Variants in QTMAN observed in about 807,000 individuals in gnomAD.
The protein encoded by QTMAN is queuosine-tRNA mannosyltransferase.
At chr2:144,239,350 A>C in the QTMAN span, among the ~76,000 whole-genome samples, 1 of 152,104 alleles carries the variant, frequency 6.6e-6, no homozygotes, top group African/African-American at 2.4e-5. Flanking sequence ...CTAAAAGTTC[A>C]TTATTATTTG....
chr2:144,072,607 A>G, the QTMAN span, among the ~76,000 whole-genome samples: 111 of 152,262 alleles, frequency 7.3e-4, 2 homozygotes, highest in East Asian at 0.016. Context: ...TTTAGAAGCT[A>G]AGCAGGAATT....
the QTMAN span, among the ~76,000 whole-genome samples, chr2:144,116,706 A>G: frequency 1.3e-5 from 2 of 152,210 alleles, no homozygotes; most frequent in African/African-American, 4.8e-5. Flanking sequence ...GTATCTTCAT[A>G]TCACTGTAGA....
the QTMAN span, among the ~76,000 whole-genome samples, chr2:144,155,170 A>G: frequency 6.6e-6 from 1 of 152,184 alleles, no homozygotes; most frequent in Non-Finnish European, 1.5e-5. Flanking sequence ...GGTCCCTAAT[A>G]GTATTTCAGG....
At chr2:144,018,543 C>G in the QTMAN span, among the ~76,000 whole-genome samples, 1 of 152,146 alleles carries the variant, frequency 6.6e-6, no homozygotes, top group Non-Finnish European at 1.5e-5. Context: ...CTTTTCTACA[C>G]ATTTTAGTAT....
the QTMAN span, among the ~76,000 whole-genome samples, chr2:144,083,357 G>A: frequency 6.6e-6 from 1 of 152,194 alleles, no homozygotes; most frequent in African/African-American, 2.4e-5. Flanking sequence ...AGCCATGTAA[G>A]AAGAGCCTCT....
chr2:144,159,076 TAATGCCTTAA>T, the QTMAN span, among the ~76,000 whole-genome samples: 17 of 152,172 alleles, frequency 1.1e-4, no homozygotes, highest in Middle Eastern at 3.4e-3. Flanking sequence ...ATACAGAGCT[TAATGCCTTAA>T]AATAGGGATG....
At chr2:144,156,940 A>C in the QTMAN span, among the ~76,000 whole-genome samples, 1 of 152,086 alleles carries the variant, frequency 6.6e-6, no homozygotes, top group African/African-American at 2.4e-5. Context: ...AAGAGCAGAA[A>C]ATGAGGTCAT....
At chr2:144,059,370 A>C in the QTMAN span, among the ~76,000 whole-genome samples, 1 of 152,170 alleles carries the variant, frequency 6.6e-6, no homozygotes, top group Admixed American at 6.5e-5. Context: ...GTACCCAAGC[A>C]AACACAGACT....
the QTMAN span, among the ~76,000 whole-genome samples, chr2:144,043,718 C>G: frequency 6.6e-6 from 1 of 151,682 alleles, no homozygotes; most frequent in African/African-American, 2.4e-5. Context: ...AACTGACCAA[C>G]AGTCCTAAAT....
At chr2:144,002,422 A>C in the QTMAN span, among the ~76,000 whole-genome samples, 1 of 151,986 alleles carries the variant, frequency 6.6e-6, no homozygotes, top group Non-Finnish European at 1.5e-5. Context: ...ACATTTTCTC[A>C]AACATGAACC....
the QTMAN span, among the ~76,000 whole-genome samples, chr2:144,008,362 TG>T: frequency 6.6e-6 from 1 of 151,866 alleles, no homozygotes; most frequent in Non-Finnish European, 1.5e-5. Flanking sequence ...AATGCTGACT[TG>T]GGGCTCAATA....
At chr2:144,146,514 T>C in the QTMAN span, among the ~76,000 whole-genome samples, 3 of 151,710 alleles carry the variant, frequency 2.0e-5, no homozygotes, top group Non-Finnish European at 2.9e-5. Flanking sequence ...ATTTACTAAA[T>C]GCCTACTATG....
chr2:144,289,437 T>C, the QTMAN span, among the ~76,000 whole-genome samples: 2 of 152,208 alleles, frequency 1.3e-5, no homozygotes, highest in Non-Finnish European at 2.9e-5. Context: ...AAAGTGCTGC[T>C]AGAAGCTCAA....
At chr2:144,158,819 A>C in the QTMAN span, among the ~76,000 whole-genome samples, 10 of 152,186 alleles carry the variant, frequency 6.6e-5, no homozygotes, top group African/African-American at 2.4e-4. Context: ...CATTACTGTA[A>C]TGATGATACA....
the QTMAN span, among the ~76,000 whole-genome samples, chr2:144,217,933 A>G: frequency 6.6e-6 from 1 of 152,192 alleles, no homozygotes; most frequent in Non-Finnish European, 1.5e-5. Context: ...CGTAGGATAT[A>G]TTTATACAAG....
the QTMAN span, among the ~76,000 whole-genome samples, chr2:144,175,225 A>T: frequency 6.6e-6 from 1 of 152,184 alleles, no homozygotes; most frequent in African/African-American, 2.4e-5. Context: ...AAGAACAAGA[A>T]AGTGAGAACA....
the QTMAN span, among the ~76,000 whole-genome samples, chr2:144,215,325 T>C: frequency 1.3e-5 from 2 of 149,860 alleles, no homozygotes; most frequent in Non-Finnish European, 3.0e-5. Flanking sequence ...CACACACACA[T>C]ATATTAGTAA....
At chr2:144,160,024 A>G in the QTMAN span, among the ~76,000 whole-genome samples, 1 of 152,120 alleles carries the variant, frequency 6.6e-6, no homozygotes, top group Non-Finnish European at 1.5e-5. Flanking sequence ...CGTAAAGACT[A>G]AAGAAAAAGG....
the QTMAN span, among the ~76,000 whole-genome samples, chr2:144,130,936 CAA>C: frequency 1.2e-4 from 18 of 151,798 alleles, no homozygotes; most frequent in Middle Eastern, 3.4e-3. Flanking sequence ...TCTGAGAAGA[CAA>C]AGAGAAGAGT....
Sources: gnomAD v4.1 joint callset for allele counts (sites outside exome capture counted in the v4.1 genomes callset) on GRCh38, gnomAD v4.1.1 for gene constraint, MANE v1.5 for transcripts, NCBI Gene and HGNC (gene_info 2026-07-23, HGNC 2026-07-21) for gene names.